Variants in ST8SIA1 observed in about 807,000 individuals in gnomAD.
The protein encoded by ST8SIA1 is alpha-N-acetylneuraminide alpha-2,8-sialyltransferase.
Under a neutral mutation model 35.9 loss-of-function variants are expected in ST8SIA1, and 16 were observed. The observed-to-expected ratio is 0.45, with a 90% confidence interval of 0.30 to 0.68. ST8SIA1 has a LOEUF of 0.68. Among genes scored for constraint, ST8SIA1 ranks in the 30% least tolerant of loss-of-function variants. ST8SIA1 has a pLI of 0.09. For synonymous variants in ST8SIA1, 170 were observed against 169.6 expected (o/e 1.00, Z -0.02); for missense variants, 383 against 453.6 (o/e 0.84, Z 1.41).
intron 4 of ST8SIA1, among the ~76,000 whole-genome samples, chr12:22,218,001 C>T (rs1333874388): frequency 6.6e-6 from 1 of 152,180 alleles, no homozygotes; most frequent in Admixed American, 6.5e-5. Context: ...AAACATGTGA[C>T]TGACATTCCA....
chr12:22,246,531 C>A (rs563815295), intron 4 of ST8SIA1, among the ~76,000 whole-genome samples: 2 of 152,220 alleles, frequency 1.3e-5, no homozygotes, highest in East Asian at 3.9e-4. Context: ...TTGATTGAGG[C>A]CTTATGCAGC....
At chr12:22,262,070 T>C (rs888246450) in intron 2 of ST8SIA1, among the ~76,000 whole-genome samples, 2 of 152,172 alleles carry the variant, frequency 1.3e-5, no homozygotes, top group African/African-American at 4.8e-5. Context: ...TTTAAGCATA[T>C]GAAAGTAGTT....
In ST8SIA1 at chr12:22,238,296, C is replaced by T. The variant is rs531690376; in HGVS notation, c.584+10710G>A. ...CACTTCCCATGTAAGGCTATTAAAA[C>T]ATCACGCAATTCCAATTGTTCTCTA... On this transcript the variant is annotated intron_variant, in intron 4 of 4. Transcript: ENST00000396037. Among the ~76,000 whole-genome samples, 5 of 152,316 alleles carry T rather than the reference C, an allele frequency of 3.3e-5. No homozygotes were observed. In the South Asian group the frequency reaches 8.3e-4, roughly 25 times the overall value.
intron 3 of ST8SIA1, among the ~76,000 whole-genome samples, chr12:22,252,944 C>A (rs570884697): frequency 5.3e-5 from 8 of 152,328 alleles, no homozygotes; most frequent in African/African-American, 1.9e-4. Context: ...TTCTTTGAAT[C>A]TGTGAGTTGA....
intron 3 of ST8SIA1, among the ~76,000 whole-genome samples, chr12:22,255,002 T>C (rs796708638): frequency 2.1e-4 from 32 of 152,296 alleles, no homozygotes; most frequent in African/African-American, 7.5e-4. Context: ...TAAAATGAGA[T>C]GTGAGATTTT....
At position 22,204,965 on chromosome 12, in the gene ST8SIA1, C is replaced by T. The variant is rs184465549; in HGVS notation, c.585-2927G>A. On this transcript the variant is annotated intron_variant, in intron 4 of 4. Transcript: ENST00000396037. ...TCTCCAGCCTCATACTCAGCTACTC[C>T]TCATGTCCTCACCCTATGCTCCAGC... is the stretch of plus-strand genomic sequence containing the variant. 3.9e-5 allele frequency among the ~76,000 whole-genome samples: 6 copies of T among 152,260 alleles called. 1 individual carries two copies. The highest frequency in any genetic ancestry group is 1.2e-4 in the African/African-American group (5 of 41,564).
intron 1 of ST8SIA1, among the ~76,000 whole-genome samples, chr12:22,300,137 G>A (rs551188429): frequency 7.9e-5 from 12 of 152,144 alleles, no homozygotes; most frequent in African/African-American, 2.2e-4. Flanking sequence ...TAAAGTCCTC[G>A]TGAAATTGAG....
intron 4 of ST8SIA1, among the ~76,000 whole-genome samples, chr12:22,219,864 C>T (rs529731326): frequency 2.6e-5 from 4 of 152,032 alleles, no homozygotes; most frequent in Admixed American, 6.5e-5. Context: ...AAAACTTGAC[C>T]CACATAGAGG....
chr12:22,217,156 G>A (rs112187451), intron 4 of ST8SIA1, among the ~76,000 whole-genome samples: 1,800 of 152,098 alleles, frequency 0.012, 13 homozygotes, highest in Middle Eastern at 0.058. Context: ...TTTTTTTCCA[G>A]GACAAATAAA....
intron 1 of ST8SIA1, among the ~76,000 whole-genome samples, chr12:22,287,560 T>C (rs1309108569): frequency 6.6e-6 from 1 of 151,656 alleles, no homozygotes; most frequent in Non-Finnish European, 1.5e-5. Flanking sequence ...AGGTGAGATA[T>C]GTCAAAAGAT....
At chr12:22,202,817 A>G (rs1865064253) in intron 4 of ST8SIA1, among the ~76,000 whole-genome samples, 2 of 152,182 alleles carry the variant, frequency 1.3e-5, no homozygotes, top group African/African-American at 2.4e-5. Context: ...ATTTAAATAC[A>G]CTTCTTATAG....
chr12:22,274,899 T>C (rs1343932900), intron 2 of ST8SIA1, among the ~76,000 whole-genome samples: 1 of 152,226 alleles, frequency 6.6e-6, no homozygotes, highest in Admixed American at 6.5e-5. Context: ...GGGCTCACAG[T>C]GTGGTCAGCA....
intron 4 of ST8SIA1, among the ~76,000 whole-genome samples, chr12:22,240,326 T>C (rs1343229560): frequency 3.9e-5 from 6 of 152,226 alleles, no homozygotes; most frequent in African/African-American, 1.4e-4. Flanking sequence ...TCTTCACTGC[T>C]ATATAATATT....
chr12:22,331,200 C>A (rs1018668106), intron 1 of ST8SIA1, among the ~76,000 whole-genome samples: 1 of 152,128 alleles, frequency 6.6e-6, no homozygotes, highest in Non-Finnish European at 1.5e-5. Flanking sequence ...GAAACACTCC[C>A]TTTTCTCTTC....
At chr12:22,224,528 G>A (rs1409070984) in intron 4 of ST8SIA1, among the ~76,000 whole-genome samples, 1 of 151,922 alleles carries the variant, frequency 6.6e-6, no homozygotes, top group African/African-American at 2.4e-5. Context: ...GCCTCTCAAA[G>A]TGCTGGGATT....
chr12:22,296,146 T>C (rs537046292), intron 1 of ST8SIA1, among the ~76,000 whole-genome samples: 31 of 152,262 alleles, frequency 2.0e-4, no homozygotes, highest in Admixed American at 7.8e-4. Flanking sequence ...CCTGGTATGC[T>C]GAAAGGCCAT....
chr12:22,204,053 T>C (rs1205399758), intron 4 of ST8SIA1, among the ~76,000 whole-genome samples: 2 of 152,134 alleles, frequency 1.3e-5, no homozygotes, highest in Non-Finnish European at 2.9e-5. Flanking sequence ...ACCACCTTTT[T>C]CTTTACATCT....
chr12:22,225,000 A>G (rs547899796), intron 4 of ST8SIA1, among the ~76,000 whole-genome samples: 16 of 152,326 alleles, frequency 1.1e-4, no homozygotes, highest in Non-Finnish European at 1.8e-4. Flanking sequence ...ACATAGGAAG[A>G]ATGCTGTGTG....
intron 4 of ST8SIA1, among the ~76,000 whole-genome samples, chr12:22,216,041 G>A (rs1260135158): frequency 6.6e-6 from 1 of 152,188 alleles, no homozygotes; most frequent in Non-Finnish European, 1.5e-5. Context: ...GTCTGGATGA[G>A]AAAGAACGCT....
Sources: gnomAD v4.1 joint callset for allele counts (sites outside exome capture counted in the v4.1 genomes callset) on GRCh38, gnomAD v4.1.1 for gene constraint, MANE v1.5 for transcripts, NCBI Gene and HGNC (gene_info 2026-07-23, HGNC 2026-07-21) for gene names.